SHISA9: variants seen among roughly 807,000 people sequenced by gnomAD.
The protein encoded by SHISA9 is shisa family member 9.
Under a neutral mutation model 38.0 loss-of-function variants are expected in SHISA9, and 13 were observed. That is an observed-to-expected ratio of 0.34 (90% CI 0.22 to 0.54). The LOEUF is 0.54. Among genes scored for constraint, SHISA9 ranks in the 20% least tolerant of loss-of-function variants. SHISA9 has a pLI of 0.91. For missense variants in SHISA9, 538 were observed against 575.8 expected (o/e 0.93, Z 0.67); for synonymous variants, 275 against 242.0 (o/e 1.14, Z -1.27).
intron 4 of SHISA9, among the ~76,000 whole-genome samples, chr16:13,232,294 A>G (rs559064210): frequency 1.4e-3 from 209 of 152,364 alleles, no homozygotes; most frequent in South Asian, 2.9e-3. Flanking sequence ...GAATTCAGAA[A>G]TTAAAATAAA....
chr16:13,225,790 C>T (rs2051273375), intron 4 of SHISA9, among the ~76,000 whole-genome samples: 1 of 152,176 alleles, frequency 6.6e-6, no homozygotes, highest in Non-Finnish European at 1.5e-5. Flanking sequence ...CGCCCCGCAC[C>T]TGTACAAGTG....
intron 2 of SHISA9, among the ~76,000 whole-genome samples, chr16:13,015,853 C>CCTTTCTTTGTTTCTTTCTTTCTTTCTTT (rs1555454797): frequency 1.6e-4 from 16 of 98,556 alleles, no homozygotes; most frequent in Non-Finnish European, 2.1e-4. Context: ...TCTTTCTTTC[C>CCTTTCTTTGTTTCTTTCTTTCTTTCTTT]CTTTCTTTCT....
chr16:12,943,838 A>G (rs2071654711), intron 2 of SHISA9, among the ~76,000 whole-genome samples: 1 of 152,232 alleles, frequency 6.6e-6, no homozygotes, highest in African/African-American at 2.4e-5. Flanking sequence ...AAGCTAAGAT[A>G]AAGACACTAG....
chr16:13,523,364 A>C, the SHISA9 span, among the ~76,000 whole-genome samples: 3 of 152,172 alleles, frequency 2.0e-5, no homozygotes, highest in African/African-American at 7.2e-5. Flanking sequence ...AAATAAAATA[A>C]AATAAATGAT....
At chr16:13,107,661 C>T (rs149021853) in intron 2 of SHISA9, among the ~76,000 whole-genome samples, 61 of 152,012 alleles carry the variant, frequency 4.0e-4, no homozygotes, top group African/African-American at 1.4e-3. Context: ...AAGACAGCTG[C>T]AGTAGGGGTG....
chr16:13,457,016 G>T, the SHISA9 span, among the ~76,000 whole-genome samples: 37 of 152,212 alleles, frequency 2.4e-4, no homozygotes, highest in African/African-American at 8.9e-4. Flanking sequence ...AACTGTAACA[G>T]CTTTTGGTGG....
intron 2 of SHISA9, among the ~76,000 whole-genome samples, chr16:13,031,588 G>A (rs1209104987): frequency 6.6e-6 from 1 of 152,086 alleles, no homozygotes; most frequent in Admixed American, 6.5e-5. Flanking sequence ...GATGGAGCAT[G>A]CCAGTATGAA....
intron 2 of SHISA9, among the ~76,000 whole-genome samples, chr16:13,181,776 G>C (rs377386979): frequency 6.6e-6 from 1 of 151,878 alleles, no homozygotes; most frequent in African/African-American, 2.4e-5. Flanking sequence ...TGGGGAGAAG[G>C]GGGATAAATT....
chr16:13,139,710 G>A (rs2050382826), intron 2 of SHISA9, among the ~76,000 whole-genome samples: 1 of 152,084 alleles, frequency 6.6e-6, no homozygotes, highest in Non-Finnish European at 1.5e-5. Flanking sequence ...CAAACCACTG[G>A]AATTGACCAT....
the SHISA9 span, among the ~76,000 whole-genome samples, chr16:13,282,972 G>A: frequency 7.9e-5 from 12 of 151,896 alleles, no homozygotes; most frequent in African/African-American, 1.2e-4. Context: ...TCTGCTTAGC[G>A]TCATGCTTGG....
chr16:13,217,222 G>T (rs983409023), intron 4 of SHISA9, among the ~76,000 whole-genome samples: 18 of 152,082 alleles, frequency 1.2e-4, no homozygotes, highest in African/African-American at 2.7e-4. Context: ...AGCTTGCAGT[G>T]AGCAGAGATC....
intron 2 of SHISA9, among the ~76,000 whole-genome samples, chr16:13,135,748 C>T (rs968229984): frequency 1.1e-4 from 17 of 152,188 alleles, no homozygotes; most frequent in South Asian, 2.1e-4. Flanking sequence ...TATACAGTAA[C>T]GCCAACAGCA....
the SHISA9 span, among the ~76,000 whole-genome samples, chr16:13,538,147 GCTC>G: frequency 2.1e-3 from 314 of 152,264 alleles, 1 homozygote; most frequent in African/African-American, 7.2e-3. Context: ...ACCAAGGACA[GCTC>G]CTGAATTTAC....
chr16:13,246,708 C>T, the SHISA9 span, among the ~76,000 whole-genome samples: 3,632 of 152,206 alleles, frequency 0.024, 52 homozygotes, highest in Middle Eastern at 0.051. Context: ...CCACCACCAA[C>T]TGGACGTTAT....
chr16:13,191,661 G>A (rs2050886868), intron 2 of SHISA9, among the ~76,000 whole-genome samples: 1 of 152,108 alleles, frequency 6.6e-6, no homozygotes, highest in South Asian at 2.1e-4. Flanking sequence ...GTCCAAAATG[G>A]ACTGACTAAA....
At chr16:13,525,581 T>C in the SHISA9 span, among the ~76,000 whole-genome samples, 1 of 152,200 alleles carries the variant, frequency 6.6e-6, no homozygotes, top group Admixed American at 6.5e-5. Context: ...CACATTACAA[T>C]TTCTTACCAC....
downstream of SHISA9, among the ~76,000 whole-genome samples, chr16:13,243,571 T>C (rs1596764524): frequency 6.6e-6 from 1 of 152,164 alleles, no homozygotes; most frequent in Non-Finnish European, 1.5e-5. Flanking sequence ...GAGTCCAAAG[T>C]TTTATCATGA....
chr16:12,920,921 A>G (rs1000477218), intron 2 of SHISA9, among the ~76,000 whole-genome samples: 1 of 152,210 alleles, frequency 6.6e-6, no homozygotes, highest in Admixed American at 6.5e-5. Flanking sequence ...GTATTGCATA[A>G]TGATGTGGTA....
At chr16:13,262,946 A>G in the SHISA9 span, among the ~76,000 whole-genome samples, 1 of 152,132 alleles carries the variant, frequency 6.6e-6, no homozygotes, top group South Asian at 2.1e-4. Context: ...TATGCCTTGC[A>G]TTCCCACTTC....
Sources: gnomAD v4.1 joint callset for allele counts (sites outside exome capture counted in the v4.1 genomes callset) on GRCh38, gnomAD v4.1.1 for gene constraint, MANE v1.5 for transcripts, NCBI Gene and HGNC (gene_info 2026-07-23, HGNC 2026-07-21) for gene names.